CENPL: variants seen among roughly 807,000 people sequenced by gnomAD.
The protein encoded by CENPL is centromere protein L.
In CENPL, 20 loss-of-function variants were observed where a neutral mutation model predicts 35.2. That is an observed-to-expected ratio of 0.57 (90% confidence interval 0.40 to 0.83). The LOEUF is 0.83. CENPL is among the 40% of genes least tolerant of loss of function. The pLI, the probability that CENPL is intolerant of heterozygous loss-of-function variation, is 0.00. For missense variants in CENPL, 363 were observed against 395.8 expected, an observed-to-expected ratio of 0.92 and a Z score of 0.70; for synonymous variants, 140 against 140.6, an observed-to-expected ratio of 1.00 and a Z score of 0.03.
intron 2 of CENPL, among the ~76,000 whole-genome samples, chr1:173,817,275 C>A (rs1651493845): frequency 6.6e-6 from 1 of 151,950 alleles, no homozygotes. Context: ...GGATAATATC[C>A]AGAATCTAAA....
chr1:173,805,735 A>G (rs1000846198), intron 4 of CENPL, among the ~76,000 whole-genome samples: 1 of 152,154 alleles, frequency 6.6e-6, no homozygotes, highest in Non-Finnish European at 1.5e-5. Context: ...GTTAGACAAT[A>G]AGGTAACTTC....
chr1:173,815,300 A>C (rs1651249118), intron 2 of CENPL, among the ~76,000 whole-genome samples: 1 of 152,234 alleles, frequency 6.6e-6, no homozygotes, highest in Non-Finnish European at 1.5e-5. Context: ...TATTCCAATC[A>C]ACAGAAAAAG....
At chr1:173,818,926 A>G (rs937528035) in intron 2 of CENPL, among the ~76,000 whole-genome samples, 3 of 152,194 alleles carry the variant, frequency 2.0e-5, no homozygotes, top group Non-Finnish European at 4.4e-5. Context: ...AATTAAACGG[A>G]AGTATTTCAT....
At position 173,803,168 on chromosome 1, in the gene CENPL, GA is replaced by G; in HGVS notation, c.757del (p.Ser253LeufsTer52). The G allele has an allele frequency of 6.2e-7, 1 of 1,613,822 alleles. No individual in the cohort carries two copies. The highest frequency in any genetic ancestry group is 8.5e-7 in the Non-Finnish European group (1 of 1,179,688). On this transcript the variant is annotated frameshift_variant, in exon 5 of 6. Transcript: ENST00000682279. LOFTEE classifies it high-confidence loss of function. Reference sequence around the variant, plus strand: ...TGCATCCTCTGGATGTATTGCGAAAGAAATGTCCAGACTTTGAGGGCTACAG... The same window carrying G: ...TGCATCCTCTGGATGTATTGCGAAAGAATGTCCAGACTTTGAGGGCTACAG... ...VPCSPQSLDI[S>X]FAIHPEDAKA...
chr1:173,803,514 A>G lies in CENPL; in HGVS notation c.421-9T>C. On this transcript the variant is annotated splice_polypyrimidine_tract_variant and intron_variant, in intron 4 of 5. Transcript: ENST00000682279. Reference sequence around the variant, plus strand: ...TGAGATTTTGACACAATCTACAAAGAAAGTAAACAGGCTCCTTAAATTCAA... The same window carrying G: ...TGAGATTTTGACACAATCTACAAAGGAAGTAAACAGGCTCCTTAAATTCAA... The G allele has an allele frequency of 6.5e-7, 1 of 1,546,000 alleles. No homozygotes were observed. The highest frequency in any genetic ancestry group is 8.7e-7 in the Non-Finnish European group (1 of 1,146,328).
chr1:173,810,335 G>C (rs1650687910), intron 3 of CENPL, among the ~76,000 whole-genome samples: 1 of 152,032 alleles, frequency 6.6e-6, no homozygotes. Context: ...ACATAGAGGG[G>C]AACAACACAC....
Position 173,811,186 on chromosome 1 carries a change from A to G in CENPL, c.114T>C (p.Ser38=), listed in dbSNP as rs778918147. 3 of 1,613,846 alleles carry G rather than the reference A, an allele frequency of 1.9e-6. No individual in the cohort carries two copies. In the African/African-American group the frequency reaches 4.0e-5, roughly 22 times the overall value. ...TTCGAGGTGGAGTCAGGATAAATGA[A>G]CTCTGCTTCCTGACCGATTCTAATC... ...QKRLESVRKQ[S]SFILTPPRRK... is the part of the protein sequence containing the mutation. The change falls in exon 3 of 6, where the codon AGT becomes AGC. Residue 38 remains serine, a synonymous_variant. Coordinates refer to ENST00000682279, the MANE Select transcript of CENPL (RefSeq NM_001387287.1).
chr1:173,822,125 C>T (rs1174385411), intron 2 of CENPL: 1 of 152,230 alleles, frequency 6.6e-6, no homozygotes, highest in Admixed American at 6.5e-5. Context: ...ACGTCGTCTA[C>T]ACCTATTGCC....
chr1:173,820,942 T>C (rs1414200397), intron 2 of CENPL, among the ~76,000 whole-genome samples: 1 of 152,196 alleles, frequency 6.6e-6, no homozygotes, highest in Non-Finnish European at 1.5e-5. Context: ...AAGAATTCCT[T>C]GTGGTGATGG....
At chr1:173,807,585 T>C (rs572035586) in intron 3 of CENPL, 67 bp from the exon 4 acceptor site, 6 of 1,265,292 alleles carry the variant, frequency 4.7e-6, no homozygotes, top group African/African-American at 3.0e-5. Flanking sequence ...AATCATAGCA[T>C]TTAAAACATC....
intron 2 of CENPL, among the ~76,000 whole-genome samples, chr1:173,819,677 T>C (rs1297967215): frequency 1.3e-5 from 2 of 152,230 alleles, no homozygotes; most frequent in Non-Finnish European, 2.9e-5. Flanking sequence ...TATATTACTA[T>C]ATTTACTTAT....
At chr1:173,801,983 A>G (rs964988627) in intron 5 of CENPL, among the ~76,000 whole-genome samples, 4 of 151,714 alleles carry the variant, frequency 2.6e-5, no homozygotes, top group African/African-American at 9.7e-5. Flanking sequence ...AGATAGCACC[A>G]CTGCACTCCA....
intron 2 of CENPL, among the ~76,000 whole-genome samples, chr1:173,817,556 G>C (rs1651526998): frequency 6.6e-6 from 1 of 152,216 alleles, no homozygotes; most frequent in African/African-American, 2.4e-5. Flanking sequence ...CACTGTTGGT[G>C]GGAGTGTAAA....
At chr1:173,817,920 C>T (rs1388020101) in intron 2 of CENPL, among the ~76,000 whole-genome samples, 5 of 152,088 alleles carry the variant, frequency 3.3e-5, no homozygotes, top group Admixed American at 6.6e-5. Flanking sequence ...CACCAAACGC[C>T]GCATGTTCTC....
At chr1:173,822,151 A>G (rs1379427128) in intron 2 of CENPL, 2 of 152,134 alleles carry the variant, frequency 1.3e-5, no homozygotes, top group African/African-American at 2.4e-5. Context: ...TTACTAATAA[A>G]TATTTTACTA....
intron 2 of CENPL, among the ~76,000 whole-genome samples, chr1:173,817,623 A>C (rs986400879): frequency 3.3e-4 from 51 of 152,370 alleles, no homozygotes; most frequent in African/African-American, 1.1e-3. Context: ...TAGAACTAGA[A>C]ATACCATTTG....
chr1:173,813,714 CAA>C (rs1011487324), intron 2 of CENPL, among the ~76,000 whole-genome samples: 1 of 152,158 alleles, frequency 6.6e-6, no homozygotes, highest in African/African-American at 2.4e-5. Context: ...CCAGCCACTG[CAA>C]AAACACGCGA....
In CENPL at chr1:173,800,713, C is replaced by T. The variant is rs369160324; in HGVS notation, c.964-194G>A. Among the ~76,000 whole-genome samples the T allele has an allele frequency of 3.4e-4, 51 of 151,988 alleles. 1 individual carries two copies. In the South Asian group the frequency reaches 1.0e-2, roughly 30 times the overall value. ...CTATAATCCCAGCACTTTGAGAGGC[C>T]GAGGCAGGAGGATCACTTGAGCCCA... On this transcript the variant is annotated intron_variant, in intron 5 of 5. Coordinates refer to ENST00000682279, the MANE Select transcript of CENPL (RefSeq NM_001387287.1).
In CENPL at chr1:173,800,683, T is replaced by C. The variant is rs189634709; in HGVS notation, c.964-164A>G. ...TCATTTTTGGCCAGGCACAGTGATT[T>C]ATCCCTATAATCCCAGCACTTTGAG... On this transcript the variant is annotated intron_variant, in intron 5 of 5. Coordinates refer to ENST00000682279, the MANE Select transcript of CENPL (RefSeq NM_001387287.1). 4.7e-3 allele frequency among the ~76,000 whole-genome samples: 720 copies of C among 152,330 alleles called. 2 individuals carry two copies. The highest frequency in any genetic ancestry group is 7.6e-3 in the Non-Finnish European group (519 of 68,038).
Sources: allele counts gnomAD v4.1 joint callset (sites outside exome capture counted in the v4.1 genomes callset), GRCh38; gene constraint gnomAD v4.1.1; transcripts MANE v1.5; gene names NCBI Gene and HGNC (gene_info 2026-07-23, HGNC 2026-07-21).